PRDM11: variants seen among roughly 807,000 people sequenced by gnomAD.
The protein encoded by PRDM11 is PR domain-containing protein 11.
A neutral mutation model predicts 97.8 loss-of-function variants in PRDM11; 20 were observed. That is an observed-to-expected ratio of 0.20 (90% confidence interval 0.14 to 0.30). The LOEUF is 0.30. PRDM11 is among the 10% of genes least tolerant of loss of function. The probability of loss-of-function intolerance (pLI) is 1.00; values close to 1 mark genes in which losing one functional copy is unlikely to be tolerated. For synonymous variants in PRDM11, 599 were observed against 637.7 expected (o/e 0.94, Z 0.91); for missense variants, 1,139 against 1,555.2 (o/e 0.73, Z 4.50).
intron 1 of PRDM11, among the ~76,000 whole-genome samples, chr11:45,136,592 A>G (rs1392453002): frequency 2.6e-5 from 4 of 152,224 alleles, no homozygotes; most frequent in African/African-American, 4.8e-5. Flanking sequence ...AAGGAATCAC[A>G]GGAAAGGCTT....
At chr11:45,123,626 G>C (rs1247048661) in intron 1 of PRDM11, among the ~76,000 whole-genome samples, 2 of 150,962 alleles carry the variant, frequency 1.3e-5, no homozygotes, top group African/African-American at 2.4e-5. Context: ...GCTTGTTTTT[G>C]TCAGGTTTGT....
chr11:45,133,587 C>T (rs1477715678), intron 1 of PRDM11, among the ~76,000 whole-genome samples: 1 of 152,196 alleles, frequency 6.6e-6, no homozygotes, highest in African/African-American at 2.4e-5. Context: ...ATTCTTTTTG[C>T]TCAAACCAGT....
chr11:45,225,908 C>T, intron 7 of PRDM11, 87 bp from the exon 8 acceptor site: 1 of 1,413,506 alleles, frequency 7.1e-7, no homozygotes, highest in South Asian at 1.5e-5. Context: ...GGTGTGGCAC[C>T]TACCTTCCAG....
chr11:45,109,048 C>T (rs1355684725), intron 1 of PRDM11, among the ~76,000 whole-genome samples: 1 of 152,252 alleles, frequency 6.6e-6, no homozygotes, highest in East Asian at 1.9e-4. Context: ...AGACTGTCAA[C>T]ACCCCTGGCC....
intron 1 of PRDM11, among the ~76,000 whole-genome samples, chr11:45,101,599 A>AGAAGAAGAAGAC (rs1565220143): frequency 6.7e-6 from 1 of 149,068 alleles, no homozygotes; most frequent in African/African-American, 2.5e-5. Flanking sequence ...AAGAAGAAGA[A>AGAAGAAGAAGAC]GGCGTTCAGG....
chr11:45,204,086 C>CG (rs1193554891), intron 4 of PRDM11, among the ~76,000 whole-genome samples: 1 of 152,164 alleles, frequency 6.6e-6, no homozygotes, highest in East Asian at 1.9e-4. Flanking sequence ...GCTTTTGCGC[C>CG]GATGGCAGTC....
At chr11:45,103,368 AAGATGAGAGGG>A (rs1162762414) in intron 1 of PRDM11, among the ~76,000 whole-genome samples, 1 of 152,268 alleles carries the variant, frequency 6.6e-6, no homozygotes, top group East Asian at 1.9e-4. Context: ...GAAGAGGAGG[AAGATGAGAGGG>A]AGATGAGGAA....
rs1206019587 is a variant in PRDM11, at chr11:45,226,957, C to G, written c.2332C>G (p.Leu778Val). Residue 778 changes from leucine (L) to valine (V), a missense_variant, in exon 8 of 8, where the codon CTC becomes GTC. By Grantham distance (32) the Leu-to-Val change is conservative. Around this residue, in one of 2 missense-constraint regions of PRDM11, gnomAD observed 710 missense variants for 1,044.9 expected, o/e 0.68. Transcript: ENST00000683152. ...EILDAISGKE[L>V]PCLEELENNL... ...CCTGGATGCCATCAGCGGGAAGGAG[C>G]TCCCATGCCTGGAGGAGCTGGAGAA... 1 of 1,533,962 alleles carries G rather than the reference C, an allele frequency of 6.5e-7. No individual in the cohort carries two copies. Among genetic ancestry groups the G allele is most frequent in the East Asian group, 2.4e-5 (1 of 40,906 alleles).
intron 6 of PRDM11, among the ~76,000 whole-genome samples, chr11:45,220,188 G>T (rs953779060): frequency 6.6e-6 from 1 of 152,136 alleles, no homozygotes; most frequent in African/African-American, 2.4e-5. Flanking sequence ...CTCTACCACC[G>T]TCAGAGGCCT....
rs553127544 is a variant in PRDM11 at position 45,233,038 on chromosome 11, A to G, written c.*4879A>G. The G allele has an allele frequency of 6.6e-6, 1 of 152,244 alleles. No homozygotes were observed. Among genetic ancestry groups the G allele is most frequent in the East Asian group, 1.9e-4 (1 of 5,164 alleles). 9.4% of individuals were successfully genotyped at this position (152,244 alleles called of 1,614,324 possible). A position where few individuals can be genotyped will look rare whatever the true frequency, so the allele number is the denominator to read the frequency against. ...ACAGATGCTACAGCATATATGTTGT[A>G]TATATGGACATATACAGTACGTATA... On this transcript the variant is annotated 3_prime_UTR_variant, in exon 8 of 8. Coordinates refer to ENST00000683152, the MANE Select transcript of PRDM11 (RefSeq NM_001384648.1).
chr11:45,133,428 C>G (rs1852763837), intron 1 of PRDM11, among the ~76,000 whole-genome samples: 1 of 152,188 alleles, frequency 6.6e-6, no homozygotes, highest in South Asian at 2.1e-4. Flanking sequence ...CTTGCTTTCC[C>G]CAATTCTCAT....
chr11:45,096,139 C>T (rs903005536), intron 1 of PRDM11, among the ~76,000 whole-genome samples: 4 of 152,202 alleles, frequency 2.6e-5, no homozygotes, highest in Non-Finnish European at 5.9e-5. Context: ...TTGTTACGGG[C>T]TTCTTTCTCT....
At chr11:45,141,072 TAAC>T (rs1209629779) in intron 1 of PRDM11, among the ~76,000 whole-genome samples, 1 of 152,202 alleles carries the variant, frequency 6.6e-6, no homozygotes, top group Non-Finnish European at 1.5e-5. Context: ...AGGTCCTGTC[TAAC>T]AAGGCAAGCT....
chr11:45,204,437 T>TC (rs1189443221), intron 4 of PRDM11, among the ~76,000 whole-genome samples: 1 of 152,190 alleles, frequency 6.6e-6, no homozygotes, highest in African/African-American at 2.4e-5. Flanking sequence ...CCCATCTGCT[T>TC]CCCATCTTCC....
intron 6 of PRDM11, among the ~76,000 whole-genome samples, chr11:45,221,242 G>T (rs1161554090): frequency 1.3e-5 from 2 of 152,184 alleles, no homozygotes; most frequent in Non-Finnish European, 2.9e-5. Flanking sequence ...GTCTTCTTTG[G>T]ATCTCAGGGT....
chr11:45,108,255 C>T (rs1852097835), intron 1 of PRDM11, among the ~76,000 whole-genome samples: 1 of 152,130 alleles, frequency 6.6e-6, no homozygotes, highest in Admixed American at 6.5e-5. Context: ...CTGTCTAATT[C>T]CCCATGAGTG....
intron 1 of PRDM11, among the ~76,000 whole-genome samples, chr11:45,113,833 T>G (rs1392022060): frequency 1.3e-5 from 2 of 149,512 alleles, no homozygotes. Flanking sequence ...TGTTTTGTTT[T>G]TTTTTTTTTT....
chr11:45,182,449 C>A, intron 3 of PRDM11, 100 bp downstream of exon 3: 1 of 1,079,188 alleles, frequency 9.3e-7, no homozygotes, highest in Non-Finnish European at 1.4e-6. Context: ...TAGGTCCTCA[C>A]CTGCAATATA....
At chr11:45,176,149 A>G (rs1044499412) in intron 1 of PRDM11, among the ~76,000 whole-genome samples, 6 of 152,192 alleles carry the variant, frequency 3.9e-5, no homozygotes, top group African/African-American at 1.2e-4. Flanking sequence ...ATCCCAGGGC[A>G]GATCACCTGA....
Sources: gnomAD v4.1 joint callset for allele counts (sites outside exome capture counted in the v4.1 genomes callset) on GRCh38, gnomAD v4.1.1 for gene constraint, gnomAD v4.1.1 regional missense constraint, MANE v1.5 for transcripts, NCBI Gene and HGNC (gene_info 2026-07-23, HGNC 2026-07-21) for gene names.